Variants in ZBTB44 observed in about 807,000 individuals in gnomAD.
ZBTB44 encodes zinc finger and BTB domain containing 44, also known as zinc finger and BTB domain-containing protein 44.
Under a neutral mutation model 54.0 loss-of-function variants are expected in ZBTB44, and 15 were observed. The ratio of observed to expected loss-of-function variants is 0.28; its 90% CI spans 0.19 to 0.43. The LOEUF is 0.43. Ranked by LOEUF, ZBTB44 falls within the 20% of genes least tolerant of loss-of-function variation. The pLI is 1.00. For missense variants in ZBTB44, 487 were observed against 707.1 expected, an observed-to-expected ratio of 0.69 and a Z score of 3.53; for synonymous variants, 230 against 250.1, an observed-to-expected ratio of 0.92 and a Z score of 0.76.
Position 130,239,909 on chromosome 11 carries a change from G to GA in ZBTB44, c.1019-14dup. On this transcript the variant is annotated splice_polypyrimidine_tract_variant and intron_variant, in intron 2 of 7. Transcript: ENST00000357899. The stretch of plus-strand genomic sequence containing the variant: ...TCATCTACTGAGCCTGTGAATAAGA[G>GA]AAAGAGGACCACTGTAATCCTTTGG... 3.8e-6 allele frequency: 6 copies of GA among 1,598,580 alleles called. No homozygotes were observed. Among genetic ancestry groups the GA allele is most frequent in the Non-Finnish European group, 5.1e-6 (6 of 1,169,426 alleles).
chr11:130,239,448 TCAACCACTCAACTCTGC>T (rs1954258040), intron 3 of ZBTB44: 1 of 229,350 alleles, frequency 4.4e-6, no homozygotes, highest in African/African-American at 2.3e-5. Flanking sequence ...ACAGTCTGTT[TCAACCACTCAACTCTGC>T]CATCCACAAA....
At chr11:130,232,709 T>C (rs1953923684) in intron 7 of ZBTB44, 1 of 152,178 alleles carries the variant, frequency 6.6e-6, no homozygotes, top group Admixed American at 6.6e-5. Flanking sequence ...GTAAACAATC[T>C]AGTTGGGTTA....
At chr11:130,280,403 T>TTACACACAA (rs1437056372) in intron 1 of ZBTB44, among the ~76,000 whole-genome samples, 5 of 152,062 alleles carry the variant, frequency 3.3e-5, no homozygotes, top group Non-Finnish European at 7.4e-5. Context: ...ACTCATCAAG[T>TTACACACAA]GAAACAATTC....
At chr11:130,235,025 A>G (rs1240804886) in intron 5 of ZBTB44, among the ~76,000 whole-genome samples, 1 of 152,154 alleles carries the variant, frequency 6.6e-6, no homozygotes. Flanking sequence ...ACTTATAAGC[A>G]TCTTTTGGTA....
intron 1 of ZBTB44, among the ~76,000 whole-genome samples, chr11:130,309,588 A>G (rs1942470536): frequency 6.6e-6 from 1 of 152,148 alleles, no homozygotes; most frequent in South Asian, 2.1e-4. Context: ...TTGTAGATGG[A>G]GTCACCTGGG....
chr11:130,245,058 C>A (rs1954583135), intron 2 of ZBTB44, among the ~76,000 whole-genome samples: 1 of 152,176 alleles, frequency 6.6e-6, no homozygotes, highest in Admixed American at 6.5e-5. Flanking sequence ...CATTACTATA[C>A]AGTGTTCTAA....
In ZBTB44 at chr11:130,303,630, C is replaced by G. The variant is rs145892936; in HGVS notation, c.-57+10745G>C. On this transcript the variant is annotated intron_variant, in intron 1 of 7. Coordinates refer to ENST00000357899, the MANE Select transcript of ZBTB44 (RefSeq NM_001301098.2). ...GGCCTGGGCAACAAGAGCGAAACTC[C>G]ATCTCAAAAAAACCAAAACCAAAAC... Among the ~76,000 whole-genome samples the G allele has an allele frequency of 9.0e-3, 1,366 of 152,090 alleles. 24 individuals are homozygous for G. Among genetic ancestry groups the G allele is most frequent in the African/African-American group, 0.03 (1,233 of 41,462 alleles).
chr11:130,227,171 A>G lies in ZBTB44; in HGVS notation c.*4593T>C, dbSNP rs1565635242. On this transcript the variant is annotated 3_prime_UTR_variant, in exon 8 of 8. Transcript: ENST00000357899. The stretch of plus-strand genomic sequence containing the variant: ...TCCTGTAAAATACTAATAGCCAGAT[A>G]CTAGTATATAAAATGTGAAGTTCTG... 1 of 152,206 alleles carries G rather than the reference A, an allele frequency of 6.6e-6. No homozygotes were observed. Among genetic ancestry groups the G allele is most frequent in the Non-Finnish European group, 1.5e-5 (1 of 68,040 alleles). 9.4% of individuals were successfully genotyped at this position (152,206 alleles called of 1,614,324 possible). A position where few individuals can be genotyped will look rare whatever the true frequency, so the allele number is the denominator to read the frequency against.
chr11:130,297,939 TTTAAA>T (rs1179126459), intron 1 of ZBTB44, among the ~76,000 whole-genome samples: 2 of 152,120 alleles, frequency 1.3e-5, no homozygotes, highest in African/African-American at 2.4e-5. Flanking sequence ...AGAAACACAC[TTTAAA>T]TAAAAAAAGA....
intron 1 of ZBTB44, among the ~76,000 whole-genome samples, chr11:130,298,156 T>G (rs1238045971): frequency 6.6e-6 from 1 of 152,158 alleles, no homozygotes; most frequent in Non-Finnish European, 1.5e-5. Flanking sequence ...ATGATTTTTT[T>G]TTTTTGAGAT....
intron 1 of ZBTB44, chr11:130,295,816 C>T (rs1941606169): frequency 7.3e-7 from 1 of 1,377,180 alleles, no homozygotes; most frequent in South Asian, 1.2e-5. Context: ...AGTCCTTGTT[C>T]TCTCACCTAC....
At chr11:130,247,311 G>A (rs556144628) in intron 2 of ZBTB44, among the ~76,000 whole-genome samples, 2 of 152,150 alleles carry the variant, frequency 1.3e-5, no homozygotes, top group Non-Finnish European at 2.9e-5. Flanking sequence ...TTGTTGCTTC[G>A]TCCTGGGATC....
chr11:130,263,928 A>G (rs1045959422), intron 1 of ZBTB44, among the ~76,000 whole-genome samples: 4 of 152,346 alleles, frequency 2.6e-5, no homozygotes, highest in East Asian at 1.9e-4. Flanking sequence ...TGAAGGGCAC[A>G]TAAGTCTGAT....
intron 1 of ZBTB44, among the ~76,000 whole-genome samples, chr11:130,273,066 C>CTG (rs1316214843): frequency 1.3e-5 from 2 of 152,154 alleles, no homozygotes; most frequent in Non-Finnish European, 2.9e-5. Flanking sequence ...CAGAATCAGA[C>CTG]TGTCAATCTT....
intron 1 of ZBTB44, among the ~76,000 whole-genome samples, chr11:130,276,242 A>AAAAAAAAAAAAAAT (rs59112840): frequency 1.1e-5 from 1 of 94,456 alleles, no homozygotes. Flanking sequence ...CAAAAAAAAA[A>AAAAAAAAAAAAAAT]AAAAGAAAAA....
At chr11:130,308,259 G>T (rs999945541) in intron 1 of ZBTB44, among the ~76,000 whole-genome samples, 6 of 152,112 alleles carry the variant, frequency 3.9e-5, no homozygotes, top group African/African-American at 1.4e-4. Flanking sequence ...ATCGCCTAAC[G>T]ACGCATTTCT....
chr11:130,238,679 T>C (rs966126935), intron 3 of ZBTB44, 72 bp from the exon 4 acceptor site: 1 of 1,356,938 alleles, frequency 7.4e-7, no homozygotes, highest in Non-Finnish European at 9.6e-7. Context: ...TATAGGTCAA[T>C]TTTAAATGAA....
chr11:130,268,930 T>C (rs1939469718), intron 1 of ZBTB44, among the ~76,000 whole-genome samples: 1 of 151,366 alleles, frequency 6.6e-6, no homozygotes, highest in Non-Finnish European at 1.5e-5. Flanking sequence ...TCATACATAA[T>C]ATGGACAGTT....
chr11:130,314,480 A>AGC lies in ZBTB44; in HGVS notation c.-164_-163dup, dbSNP rs150638838. 153,196 of 153,214 alleles carry AGC rather than the reference A, an allele frequency of 1. 76,589 individuals are homozygous for AGC. Among genetic ancestry groups the AGC allele is most frequent in the Middle Eastern group, 1 (292 of 292 alleles). The allele number at this position is 153,214 out of a possible 1,614,324, so 9.5% of individuals were successfully genotyped here. A position where few individuals can be genotyped will look rare whatever the true frequency, so the allele number is the denominator to read the frequency against. Reference sequence around the variant, plus strand: ...GCGGCGGCCCGGGGGGAGGGGGCGGAGCGCGGCTCGCTGCCTCTCTCCTCC... The same window carrying AGC: ...GCGGCGGCCCGGGGGGAGGGGGCGGAGCGCGCGGCTCGCTGCCTCTCTCCTCC... On this transcript the variant is annotated 5_prime_UTR_variant, in exon 1 of 8. Coordinates refer to ENST00000357899, the MANE Select transcript of ZBTB44 (RefSeq NM_001301098.2).
Sources: gnomAD v4.1 joint callset for allele counts (sites outside exome capture counted in the v4.1 genomes callset) on GRCh38, gnomAD v4.1.1 for gene constraint, MANE v1.5 for transcripts, NCBI Gene and HGNC (gene_info 2026-07-23, HGNC 2026-07-21) for gene names.